DGKB: variants seen among roughly 807,000 people sequenced by gnomAD.
DGKB encodes the protein diacylglycerol kinase beta.
Under a neutral mutation model 114.3 loss-of-function variants are expected in DGKB, and 67 were observed. The ratio of observed to expected loss-of-function variants is 0.59; its 90% CI spans 0.48 to 0.72. DGKB has a LOEUF of 0.72. DGKB is among the 30% of genes least tolerant of loss of function. The pLI is 0.00. For missense variants in DGKB, 907 were observed against 975.2 expected (o/e 0.93, Z 0.93); for synonymous variants, 398 against 323.1 (o/e 1.23, Z -2.49).
chr7:14,944,577 A>G (rs1785758756), intron 1 of DGKB, among the ~76,000 whole-genome samples: 1 of 151,738 alleles, frequency 6.6e-6, no homozygotes, highest in African/African-American at 2.4e-5. Context: ...TTACTTATTA[A>G]TTTTTCTGGA....
intron 2 of DGKB, among the ~76,000 whole-genome samples, chr7:14,835,396 A>C (rs1171324582): frequency 1.3e-5 from 2 of 152,232 alleles, no homozygotes; most frequent in Non-Finnish European, 2.9e-5. Flanking sequence ...AGGCAACTCC[A>C]TGAGGAAACT....
At chr7:14,576,706 A>G (rs1799171807) in intron 19 of DGKB, among the ~76,000 whole-genome samples, 1 of 152,306 alleles carries the variant, frequency 6.6e-6, no homozygotes, top group East Asian at 1.9e-4. Flanking sequence ...AGGAACAGCA[A>G]CCTAACCGGG....
chr7:14,343,468 C>T (rs1005973245), intron 22 of DGKB, among the ~76,000 whole-genome samples: 6 of 151,700 alleles, frequency 4.0e-5, no homozygotes, highest in Admixed American at 6.6e-5. Flanking sequence ...TACAAATCAC[C>T]GTTTTCAAAT....
At chr7:14,299,709 G>C (rs1803177186) in intron 23 of DGKB, among the ~76,000 whole-genome samples, 1 of 152,068 alleles carries the variant, frequency 6.6e-6, no homozygotes, top group Admixed American at 6.6e-5. Context: ...GGTTTTGGAA[G>C]AAAGGGAAAG....
chr7:14,261,641 A>G (rs936891858), intron 23 of DGKB, among the ~76,000 whole-genome samples: 2 of 151,816 alleles, frequency 1.3e-5, no homozygotes, highest in Admixed American at 1.3e-4. Context: ...ATGACTAAAT[A>G]TAAAATAAGA....
At chr7:14,309,427 A>C (rs1805008337) in intron 23 of DGKB, among the ~76,000 whole-genome samples, 1 of 152,234 alleles carries the variant, frequency 6.6e-6, no homozygotes, top group Non-Finnish European at 1.5e-5. Context: ...AAGATTCTGC[A>C]GCCAAAGAGC....
chr7:14,185,317 A>G (rs1783242529), intron 23 of DGKB, among the ~76,000 whole-genome samples: 1 of 152,162 alleles, frequency 6.6e-6, no homozygotes, highest in Admixed American at 6.5e-5. Context: ...CAAGGAGTCG[A>G]AAGACCTCTA....
At chr7:14,631,409 GC>G (rs928394509) in intron 13 of DGKB, among the ~76,000 whole-genome samples, 124 of 152,048 alleles carry the variant, frequency 8.2e-4, no homozygotes, top group African/African-American at 2.9e-3. Context: ...GTCTAGCACA[GC>G]CCCACAGAAA....
At chr7:14,438,305 A>C (rs1207551069) in intron 21 of DGKB, among the ~76,000 whole-genome samples, 1 of 152,158 alleles carries the variant, frequency 6.6e-6, no homozygotes, top group African/African-American at 2.4e-5. Flanking sequence ...TTAGTAGGTC[A>C]AGAGAGCAAA....
chr7:14,253,922 C>CAAAGT (rs1289730046), intron 23 of DGKB, among the ~76,000 whole-genome samples: 1 of 152,140 alleles, frequency 6.6e-6, no homozygotes, highest in South Asian at 2.1e-4. Context: ...GCTCAGAAAA[C>CAAAGT]AAAGTATGCC....
At chr7:14,649,190 T>C (rs1301142088) in intron 13 of DGKB, among the ~76,000 whole-genome samples, 1 of 144,910 alleles carries the variant, frequency 6.9e-6, no homozygotes, top group African/African-American at 2.6e-5. Flanking sequence ...AGACACATAA[T>C]TGTCAGATTC....
chr7:14,907,588 TC>T (rs1783777425), upstream of DGKB, among the ~76,000 whole-genome samples: 1 of 152,182 alleles, frequency 6.6e-6, no homozygotes, highest in South Asian at 2.1e-4. Context: ...GGTAATGGTT[TC>T]CATAACTGTG....
At chr7:14,390,178 T>A (rs974236904) in intron 21 of DGKB, among the ~76,000 whole-genome samples, 3 of 152,164 alleles carry the variant, frequency 2.0e-5, no homozygotes, top group Non-Finnish European at 2.9e-5. Context: ...CTAGAGAGTC[T>A]CTCATTATTC....
At chr7:14,949,416 C>T (rs965546781) in intron 1 of DGKB, among the ~76,000 whole-genome samples, 1 of 151,722 alleles carries the variant, frequency 6.6e-6, no homozygotes, top group Non-Finnish European at 1.5e-5. Flanking sequence ...AAAAATTACA[C>T]ACATCATATA....
chr7:14,262,926 C>G (rs1796978824), intron 23 of DGKB, among the ~76,000 whole-genome samples: 1 of 151,994 alleles, frequency 6.6e-6, no homozygotes, highest in Admixed American at 6.6e-5. Flanking sequence ...CAAGAGGTAG[C>G]TTGGGCCACA....
Position 14,474,847 on chromosome 7 carries a change from T to G in DGKB, c.1835+3314A>C, listed in dbSNP as rs1421445206. Among the ~76,000 whole-genome samples the G allele has an allele frequency of 2.6e-5, 4 of 151,716 alleles. No individual in the cohort carries two copies. The East Asian group carries it at 7.7e-4, about 29-fold the overall frequency. On this transcript the variant is annotated intron_variant, in intron 21 of 25. Transcript: ENST00000402815. ...ATTTAGTTTTTTTTTTTCTTGAGTC[T>G]AAAGGACTGGAAGTTTTTATTCAAA...
intron 5 of DGKB, among the ~76,000 whole-genome samples, chr7:14,729,876 T>C (rs538988966): frequency 6.6e-6 from 1 of 152,300 alleles, no homozygotes; most frequent in Non-Finnish European, 1.5e-5. Context: ...AATAAATAGA[T>C]AGGATGCATG....
chr7:14,800,071 C>A (rs907146626), intron 2 of DGKB, among the ~76,000 whole-genome samples: 1 of 152,126 alleles, frequency 6.6e-6, no homozygotes, highest in Non-Finnish European at 1.5e-5. Flanking sequence ...TGTACACCAC[C>A]GCGCCTGGCT....
chr7:14,580,276 G>A (rs1206742374), intron 19 of DGKB, among the ~76,000 whole-genome samples: 1 of 152,098 alleles, frequency 6.6e-6, no homozygotes, highest in African/African-American at 2.4e-5. Context: ...CATATCCTCA[G>A]TGAGGTCTTT....
Sources: allele counts gnomAD v4.1 joint callset (sites outside exome capture counted in the v4.1 genomes callset), GRCh38; gene constraint gnomAD v4.1.1; transcripts MANE v1.5; gene names NCBI Gene and HGNC (gene_info 2026-07-23, HGNC 2026-07-21).